The following OSMR variants were observed in gnomAD, a reference collection of about 807,000 sequenced individuals.
OSMR encodes the protein oncostatin M receptor, also known as oncostatin-M-specific receptor subunit beta.
In OSMR, 81 loss-of-function variants were observed where a neutral mutation model predicts 99.9. The ratio of observed to expected loss-of-function variants is 0.81; its 90% CI spans 0.68 to 0.97. The LOEUF is 0.97. Among genes scored for constraint, OSMR ranks in the 50% least tolerant of loss-of-function variants. OSMR has a pLI of 0.00. For synonymous variants in OSMR, 406 were observed against 410.4 expected, an observed-to-expected ratio of 0.99 and a Z score of 0.13; for missense variants, 1,099 against 1,153.4, an observed-to-expected ratio of 0.95 and a Z score of 0.68.
intron 9 of OSMR, among the ~76,000 whole-genome samples, chr5:38,908,709 T>C (rs1745396286): frequency 6.6e-6 from 1 of 152,138 alleles, no homozygotes; most frequent in African/African-American, 2.4e-5. Flanking sequence ...ACCCATCTTA[T>C]ATCAAAATCA....
chr5:38,931,851 T>C, intron 15 of OSMR, 32 bp from the exon 16 acceptor site: 3 of 1,600,904 alleles, frequency 1.9e-6, no homozygotes, highest in African/African-American at 1.3e-5. Context: ...AAAGTACTTA[T>C]TAAAAATGTC....
chr5:38,937,431 T>A (rs1326064231), downstream of OSMR, among the ~76,000 whole-genome samples: 2 of 152,248 alleles, frequency 1.3e-5, no homozygotes, highest in Non-Finnish European at 2.9e-5. This position sits in a 1 kb window ranked among gnomAD's most constrained non-coding sequence, Gnocchi z 4.0. Flanking sequence ...TTTCTTGAAG[T>A]GAGACATACA....
rs1226881838 is a variant in OSMR, at chr5:38,935,343, G to A, written c.*1899G>A. On this transcript the variant is annotated 3_prime_UTR_variant, in exon 18 of 18. Transcript: ENST00000274276. Reference sequence around the variant, plus strand: ...GGCCTAAATAAACCTACACAAACCAGTACTTGCCTTTTGCTGGAAACATTG... The same window carrying A: ...GGCCTAAATAAACCTACACAAACCAATACTTGCCTTTTGCTGGAAACATTG... 6.6e-6 allele frequency: 1 copy of A among 152,142 alleles called. No homozygotes were observed. The highest frequency in any genetic ancestry group is 2.4e-5 in the African/African-American group (1 of 41,428). The allele number at this position is 152,142 out of a possible 1,614,324, so 9.4% of individuals were successfully genotyped here. A position where few individuals can be genotyped will look rare whatever the true frequency, so the allele number is the denominator to read the frequency against.
In OSMR at chr5:38,901,411, G is replaced by A. The variant is rs113307752; in HGVS notation, c.992-2471G>A. On this transcript the variant is annotated intron_variant, in intron 7 of 17. Coordinates refer to ENST00000274276, the MANE Select transcript of OSMR (RefSeq NM_003999.3). ...TGATCTTAAATGTGCCAGTTTCGAT[G>A]TGCCAGTTTCATTTAATAATCGAGC... is the stretch of plus-strand genomic sequence containing the variant. Among the ~76,000 whole-genome samples, 1,129 of 152,284 alleles carry A rather than the reference G, an allele frequency of 7.4e-3. 15 individuals are homozygous for A. Among genetic ancestry groups the A allele is most frequent in the African/African-American group, 0.026 (1,060 of 41,546 alleles).
intron 1 of OSMR, among the ~76,000 whole-genome samples, chr5:38,856,305 T>C (rs1740834751): frequency 6.6e-6 from 1 of 152,210 alleles, no homozygotes; most frequent in Admixed American, 6.5e-5. Flanking sequence ...TGCCAGGTGT[T>C]GATTCCTGTT....
chr5:38,884,772 C>T (rs1444577117), intron 5 of OSMR, among the ~76,000 whole-genome samples: 2 of 152,070 alleles, frequency 1.3e-5, no homozygotes, highest in Non-Finnish European at 2.9e-5. Context: ...AACTAGTGGC[C>T]TCCTGTATTT....
chr5:38,862,919 C>T (rs535833242), intron 1 of OSMR, among the ~76,000 whole-genome samples: 1 of 152,064 alleles, frequency 6.6e-6, no homozygotes, highest in Admixed American at 6.5e-5. Context: ...CCCAGCACCT[C>T]GGGAGGCCGA....
Position 38,886,053 on chromosome 5 carries a change from A to G in OSMR, c.854A>G (p.Lys285Arg). 2.5e-6 allele frequency: 4 copies of G among 1,613,530 alleles called. No individual in the cohort carries two copies. The highest frequency in any genetic ancestry group is 3.4e-6 in the Non-Finnish European group (4 of 1,179,866). ...TGTTTTTAAAGATTTTCTGGGGAAA[A>G]GAAACTTTGTACACACAAAAACTGG... ...YTLFESFSGEKKLCTHKNWCN... is the reference protein window; with the variant it reads ...YTLFESFSGERKLCTHKNWCN... The change falls in exon 7 of 18, where the codon AAG becomes AGG. Residue 285 changes from lysine (K) to arginine (R), a missense_variant. By Grantham distance (26) the Lys-to-Arg change is conservative. Transcript: ENST00000274276.
At chr5:38,932,029 T>A in intron 16 of OSMR, 65 bp downstream of exon 16, 10 of 1,208,362 alleles carry the variant, frequency 8.3e-6, no homozygotes, top group Non-Finnish European at 1.1e-5. Flanking sequence ...AGAGATTTAG[T>A]AAGATAGAAA....
intron 1 of OSMR, chr5:38,941,710 C>T (rs528049466): frequency 1.4e-3 from 316 of 232,028 alleles, no homozygotes; most frequent in African/African-American, 5.3e-3. Context: ...TTATAAGTCC[C>T]GGGTTGTTGA....
At chr5:38,886,840 T>A (rs941118283) in intron 7 of OSMR, among the ~76,000 whole-genome samples, 5 of 152,188 alleles carry the variant, frequency 3.3e-5, no homozygotes, top group African/African-American at 1.2e-4. Context: ...TCTACAATTG[T>A]TTTTCTTGCA....
Position 38,876,375 on chromosome 5 carries a change from TA to T in OSMR, c.246+4del, listed in dbSNP as rs1742837899. The T allele has an allele frequency of 6.2e-7, 1 of 1,611,666 alleles. No individual in the cohort carries two copies. The highest frequency in any genetic ancestry group is 1.3e-5 in the African/African-American group (1 of 74,884). Reference sequence around the variant, plus strand: ...GAAACATCCAATGTCATCTGGGTGGTAAGTAATTTTTTTGGCTCAATATTTA... The same window carrying T: ...GAAACATCCAATGTCATCTGGGTGGTAGTAATTTTTTTGGCTCAATATTTA... On this transcript the variant is annotated splice_donor_region_variant and intron_variant, in intron 3 of 17. Coordinates refer to ENST00000274276, the MANE Select transcript of OSMR (RefSeq NM_003999.3).
intron 1 of OSMR, among the ~76,000 whole-genome samples, chr5:38,851,866 A>G (rs948576447): frequency 2.0e-5 from 3 of 152,068 alleles, no homozygotes; most frequent in African/African-American, 7.2e-5. Flanking sequence ...AATAAGTCTC[A>G]CGAGATCTGA....
chr5:38,944,902 T>C, intron 2 of OSMR: 1 of 1,612,164 alleles, frequency 6.2e-7, no homozygotes, highest in Non-Finnish European at 8.5e-7. Context: ...GATTTGAATC[T>C]GAAGACTCAC....
intron 3 of OSMR, among the ~76,000 whole-genome samples, chr5:38,879,299 T>TGC (rs1263075470): frequency 6.6e-6 from 1 of 152,250 alleles, no homozygotes; most frequent in African/African-American, 2.4e-5. Context: ...GGCACAGGCC[T>TGC]AGATGCACAG....
At chr5:38,942,451 A>ATT in intron 1 of OSMR, 3 of 788,520 alleles carry the variant, frequency 3.8e-6, no homozygotes, top group South Asian at 2.7e-5. Flanking sequence ...ATAAATATCT[A>ATT]ATTTTTTTTT....
chr5:38,849,057 C>T (rs1295776519), intron 1 of OSMR, among the ~76,000 whole-genome samples: 1 of 152,102 alleles, frequency 6.6e-6, no homozygotes, highest in East Asian at 1.9e-4. Flanking sequence ...GGATTACAGG[C>T]GTGAGCCACT....
rs35546805 is a variant in OSMR, at chr5:38,924,441, C to T, written c.1890C>T (p.His630=). ...TCCTAGCTCCTTCAGACAACCCTCA[C>T]GTGCTGGTGGATACATTGACATCCC... ...SQELAPSDNP[H]VLVDTLTSHS... is the part of the protein sequence containing the mutation. The change falls in exon 14 of 18, where the codon CAC becomes CAT. Residue 630 remains histidine, a synonymous_variant. Transcript: ENST00000274276. 2.1e-4 allele frequency: 347 copies of T among 1,614,080 alleles called. No individual in the cohort carries two copies. The African/African-American group carries it at 3.4e-3, about 16-fold the overall frequency.
chr5:38,849,158 C>T (rs942608721), intron 1 of OSMR, among the ~76,000 whole-genome samples: 4 of 152,172 alleles, frequency 2.6e-5, no homozygotes, highest in East Asian at 1.9e-4. Flanking sequence ...GCATTAGCAA[C>T]GTTGCTTCAG....
Sources: allele counts gnomAD v4.1 joint callset (sites outside exome capture counted in the v4.1 genomes callset), GRCh38; gene constraint gnomAD v4.1.1; non-coding constraint Gnocchi (gnomAD v3.1); transcripts MANE v1.5; gene names NCBI Gene and HGNC (gene_info 2026-07-23, HGNC 2026-07-21).